The following RSF1 variants were observed in gnomAD, a reference collection of about 807,000 sequenced individuals.
The protein encoded by RSF1 is HBV pX-associated protein 8.
A neutral mutation model predicts 145.2 loss-of-function variants in RSF1; 13 were observed. That is an observed-to-expected ratio of 0.09 (90% CI 0.06 to 0.14). RSF1 has a LOEUF of 0.14. RSF1 is among the 10% of genes least tolerant of loss of function. The pLI is 1.00. For synonymous variants in RSF1, 577 were observed against 592.6 expected (o/e 0.97, Z 0.38); for missense variants, 1,517 against 1,718.2 (o/e 0.88, Z 2.07).
chr11:77,761,888 T>TGGCACGATCTTGGCTCACTGCAGC (rs1425207136), intron 2 of RSF1, among the ~76,000 whole-genome samples: 12 of 145,606 alleles, frequency 8.2e-5, no homozygotes, highest in Non-Finnish European at 8.9e-5. Flanking sequence ...TGGAGTGCAG[T>TGGCACGATCTTGGCTCACTGCAGC]GGCACGATCT....
At chr11:77,810,362 A>T (rs536548730) in intron 1 of RSF1, among the ~76,000 whole-genome samples, 1 of 152,294 alleles carries the variant, frequency 6.6e-6, no homozygotes, top group African/African-American at 2.4e-5. Flanking sequence ...TCTTGAATGA[A>T]AGAAATTTAG....
chr11:77,829,580 C>G, the RSF1 span: 2 of 152,182 alleles, frequency 1.3e-5, no homozygotes, highest in African/African-American at 4.8e-5. Flanking sequence ...AGTTGAACCC[C>G]TAATTCATTC....
chr11:77,820,399 G>T, intron 1 of RSF1, 129 bp downstream of exon 1: 4 of 988,652 alleles, frequency 4.0e-6, no homozygotes, highest in Non-Finnish European at 4.3e-6. Flanking sequence ...CAGCCCGGCG[G>T]AGTTGCGTCC....
chr11:77,797,701 A>C (rs546273626), intron 1 of RSF1, among the ~76,000 whole-genome samples: 73 of 152,358 alleles, frequency 4.8e-4, no homozygotes, highest in African/African-American at 1.7e-3. Flanking sequence ...ACAGCAAAAG[A>C]AACTATCATC....
At chr11:77,798,360 G>C (rs1239343318) in intron 1 of RSF1, among the ~76,000 whole-genome samples, 5 of 151,842 alleles carry the variant, frequency 3.3e-5, no homozygotes, top group African/African-American at 1.2e-4. Flanking sequence ...CAAGGTGGGT[G>C]GATCAACTGA....
At chr11:77,779,860 C>T (rs1948385630) in intron 1 of RSF1, among the ~76,000 whole-genome samples, 2 of 152,180 alleles carry the variant, frequency 1.3e-5, no homozygotes, top group African/African-American at 2.4e-5. Context: ...ACAAATCTGT[C>T]ATACTGAACT....
chr11:77,714,911 G>T (rs1425068876), intron 5 of RSF1, among the ~76,000 whole-genome samples: 1 of 152,004 alleles, frequency 6.6e-6, no homozygotes, highest in Non-Finnish European at 1.5e-5. Flanking sequence ...ATTCCTTGAG[G>T]CCAGGAGTCT....
chr11:77,813,527 C>A, intron 1 of RSF1: 1 of 759,544 alleles, frequency 1.3e-6, no homozygotes, highest in South Asian at 1.4e-5. Flanking sequence ...CTGGTCCTTT[C>A]ACTTGGAGAT....
In RSF1 at chr11:77,660,052, A is replaced by G. The variant is rs1959217772; in HGVS notation, c.*6865T>C. On this transcript the variant is annotated 3_prime_UTR_variant, in exon 16 of 16. Coordinates refer to ENST00000308488, the MANE Select transcript of RSF1 (RefSeq NM_016578.4). ...TTATGACAATTGACATATTAAGTGA[A>G]AGAAATGACAGAAGTATTATAATAA... 6.6e-6 allele frequency: 1 copy of G among 152,226 alleles called. No homozygotes were observed. The highest frequency in any genetic ancestry group is 1.5e-5 in the Non-Finnish European group (1 of 68,042). The allele number at this position is 152,226 out of a possible 1,614,324, so 9.4% of individuals were successfully genotyped here. A position where few individuals can be genotyped will look rare whatever the true frequency, so the allele number is the denominator to read the frequency against.
intron 1 of RSF1, among the ~76,000 whole-genome samples, chr11:77,787,316 T>A (rs1367069855): frequency 2.6e-5 from 4 of 152,180 alleles, no homozygotes. Flanking sequence ...CAAATGTGGT[T>A]CAGCACCTAT....
the RSF1 span, among the ~76,000 whole-genome samples, chr11:77,854,130 A>G: frequency 6.6e-6 from 1 of 151,582 alleles, no homozygotes; most frequent in East Asian, 2.0e-4. Context: ...AGCTGGGACT[A>G]CAGGCGCCCG....
chr11:77,793,252 A>G (rs1359444218), intron 1 of RSF1, among the ~76,000 whole-genome samples: 1 of 152,108 alleles, frequency 6.6e-6, no homozygotes, highest in African/African-American at 2.4e-5. Flanking sequence ...GGCCAAGGTG[A>G]GAGGATCACT....
At chr11:77,807,954 T>C (rs916784321) in intron 1 of RSF1, among the ~76,000 whole-genome samples, 5 of 152,268 alleles carry the variant, frequency 3.3e-5, no homozygotes, top group Middle Eastern at 3.4e-3. Flanking sequence ...AAAACTTGTA[T>C]AGGTACAGGA....
chr11:77,708,720 G>C (rs1410027614), intron 5 of RSF1, among the ~76,000 whole-genome samples: 2 of 152,136 alleles, frequency 1.3e-5, no homozygotes, highest in Non-Finnish European at 2.9e-5. Context: ...TGTCAATAAA[G>C]CACAAGGCCC....
chr11:77,736,220 TG>T (rs1208086613), intron 4 of RSF1, among the ~76,000 whole-genome samples: 3 of 152,256 alleles, frequency 2.0e-5, no homozygotes, highest in African/African-American at 4.8e-5. Flanking sequence ...AATTCAGTTC[TG>T]CTTCCCCATA....
chr11:77,852,388 C>A, the RSF1 span, among the ~76,000 whole-genome samples: 1 of 152,068 alleles, frequency 6.6e-6, no homozygotes, highest in Admixed American at 6.5e-5. Context: ...TCCTGTCTGT[C>A]TTGATTTTAA....
chr11:77,815,072 A>C (rs1948769247), intron 1 of RSF1, among the ~76,000 whole-genome samples: 1 of 152,236 alleles, frequency 6.6e-6, no homozygotes, highest in Non-Finnish European at 1.5e-5. Flanking sequence ...GGATCAGGAA[A>C]TGGAAGTAAA....
intron 7 of RSF1, among the ~76,000 whole-genome samples, chr11:77,693,930 G>A (rs985831342): frequency 3.3e-5 from 5 of 151,876 alleles, no homozygotes; most frequent in African/African-American, 1.2e-4. Context: ...GACTACAGGT[G>A]CCTGCCACCA....
At chr11:77,674,861 TG>T (rs1186535850) in intron 14 of RSF1, among the ~76,000 whole-genome samples, 174 bp downstream of exon 14, 1 of 152,142 alleles carries the variant, frequency 6.6e-6, no homozygotes, top group Non-Finnish European at 1.5e-5. Flanking sequence ...TAGCCAGGCA[TG>T]GTGGCACATG....
Sources: allele counts gnomAD v4.1 joint callset (sites outside exome capture counted in the v4.1 genomes callset), GRCh38; gene constraint gnomAD v4.1.1; transcripts MANE v1.5; gene names NCBI Gene and HGNC (gene_info 2026-07-23, HGNC 2026-07-21).